The following DHX35 variants were observed in gnomAD, a reference collection of about 807,000 sequenced individuals.
DHX35 encodes the protein DEAH-box helicase 35, also known as probable ATP-dependent RNA helicase DHX35.
DHX35 carries 84 observed loss-of-function variants against 99.6 expected under a neutral mutation model. The ratio of observed to expected loss-of-function variants is 0.84; its 90% confidence interval spans 0.71 to 1.01. DHX35 has a LOEUF of 1.01. Ranked by LOEUF, DHX35 falls within the 50% of genes least tolerant of loss-of-function variation. The pLI is 0.00. For synonymous variants in DHX35, 331 were observed against 316.2 expected, an observed-to-expected ratio of 1.05 and a Z score of -0.50; for missense variants, 852 against 888.5, an observed-to-expected ratio of 0.96 and a Z score of 0.52.
intron 8 of DHX35, among the ~76,000 whole-genome samples, chr20:38,997,926 TG>T (rs2086456933): frequency 6.6e-6 from 1 of 152,074 alleles, no homozygotes; most frequent in African/African-American, 2.4e-5. Flanking sequence ...GGTCTGTGGG[TG>T]ACAGACTAAT....
At chr20:38,986,612 A>G (rs558811249) in intron 4 of DHX35, among the ~76,000 whole-genome samples, 5 of 152,256 alleles carry the variant, frequency 3.3e-5, no homozygotes, top group East Asian at 1.9e-4. Flanking sequence ...TAGTATCTCT[A>G]TGCACACATT....
At chr20:38,998,888 G>A (rs758599273) in intron 8 of DHX35, among the ~76,000 whole-genome samples, 18 of 151,930 alleles carry the variant, frequency 1.2e-4, no homozygotes, top group Non-Finnish European at 1.5e-4. Flanking sequence ...CCTCCGCCTC[G>A]CAGGTTCAAA....
intron 21 of DHX35, among the ~76,000 whole-genome samples, chr20:39,036,096 G>GA (rs1223717631): frequency 2.0e-5 from 3 of 152,190 alleles, no homozygotes; most frequent in African/African-American, 7.2e-5. Flanking sequence ...ACTAGAGGTT[G>GA]AAAGAGGAAT....
In DHX35 at chr20:38,964,716, A is replaced by C. The variant is rs538279240; in HGVS notation, c.40+2309A>C. 4.6e-5 allele frequency among the ~76,000 whole-genome samples: 7 copies of C among 152,358 alleles called. No individual in the cohort carries two copies. The South Asian group carries it at 1.2e-3, about 27-fold the overall frequency. On this transcript the variant is annotated intron_variant, in intron 1 of 21. Coordinates refer to ENST00000252011, the MANE Select transcript of DHX35 (RefSeq NM_021931.4). ...AGTGTTGGGATTACAGGCGTGAGCC[A>C]CTGGGCCTGGCCTGACTTCAGTGTT...
At chr20:38,993,444 C>T (rs1374108845) in intron 7 of DHX35, among the ~76,000 whole-genome samples, 1 of 152,202 alleles carries the variant, frequency 6.6e-6, no homozygotes, top group Non-Finnish European at 1.5e-5. Flanking sequence ...ACCGCAACCT[C>T]TGCCTCCCAG....
chr20:39,006,138 G>C lies in DHX35; in HGVS notation c.1012-8G>C. On this transcript the variant is annotated splice_polypyrimidine_tract_variant and splice_region_variant and intron_variant, in intron 11 of 21. Transcript: ENST00000252011. Reference sequence around the variant, plus strand: ...TGAGTTTTATTCTTCTTTCTGTGGGGAACGTAGGTGATAGTGGCCACCAAT... The same window carrying C: ...TGAGTTTTATTCTTCTTTCTGTGGGCAACGTAGGTGATAGTGGCCACCAAT... 1.2e-6 allele frequency: 2 copies of C among 1,610,112 alleles called. No homozygotes were observed. The highest frequency in any genetic ancestry group is 1.7e-6 in the Non-Finnish European group (2 of 1,176,630).
At chr20:38,974,643 G>C (rs536967654) in intron 3 of DHX35, among the ~76,000 whole-genome samples, 15 of 152,292 alleles carry the variant, frequency 9.8e-5, no homozygotes, top group Admixed American at 8.5e-4. Flanking sequence ...GAGGTCAGAC[G>C]TAGAAGGTGT....
At chr20:38,983,838 C>T (rs1178518098) in intron 4 of DHX35, 62 bp downstream of exon 4, 58 of 1,453,490 alleles carry the variant, frequency 4.0e-5, no homozygotes, top group Non-Finnish European at 5.4e-5. Context: ...GATTTGTTTA[C>T]ATTTCCTAAA....
chr20:39,004,030 G>T, intron 11 of DHX35, 123 bp downstream of exon 11: 2 of 1,089,290 alleles, frequency 1.8e-6, no homozygotes, highest in East Asian at 2.4e-5. Flanking sequence ...CTGTGTAGTA[G>T]ATCTAAAAGC....
At chr20:38,970,422 A>G (rs2085977184) in intron 2 of DHX35, among the ~76,000 whole-genome samples, 1 of 152,228 alleles carries the variant, frequency 6.6e-6, no homozygotes, top group South Asian at 2.1e-4. Flanking sequence ...CAAGTGACTA[A>G]CACATTCACT....
chr20:39,002,121 T>C (rs1170302882), intron 9 of DHX35, among the ~76,000 whole-genome samples: 1 of 152,174 alleles, frequency 6.6e-6, no homozygotes, highest in Non-Finnish European at 1.5e-5. Flanking sequence ...GCTTGATAGT[T>C]TTCAGAACTG....
At chr20:38,970,360 G>C (rs2085976099) in intron 2 of DHX35, among the ~76,000 whole-genome samples, 1 of 152,144 alleles carries the variant, frequency 6.6e-6, no homozygotes, top group East Asian at 1.9e-4. Flanking sequence ...AGTTTTATGT[G>C]GCTCCCAATA....
At chr20:38,993,030 C>A (rs2086365246) in intron 7 of DHX35, among the ~76,000 whole-genome samples, 1 of 152,182 alleles carries the variant, frequency 6.6e-6, no homozygotes, top group African/African-American at 2.4e-5. Flanking sequence ...AATCTTGTTT[C>A]AATCTTAACC....
chr20:39,001,959 C>T (rs549277723), intron 9 of DHX35, 117 bp downstream of exon 9: 2 of 849,490 alleles, frequency 2.4e-6, no homozygotes, highest in South Asian at 1.5e-5. Context: ...TGTTTTGTGT[C>T]CCTAGTCATT....
At chr20:39,023,437 T>G (rs1273505856) in intron 16 of DHX35, among the ~76,000 whole-genome samples, 1 of 152,150 alleles carries the variant, frequency 6.6e-6, no homozygotes, top group Non-Finnish European at 1.5e-5. Flanking sequence ...GGTGCAAACA[T>G]GGCTCCTGGG....
intron 12 of DHX35, 138 bp from the exon 13 acceptor site, chr20:39,010,138 TTATA>T (rs1280837371): frequency 9.4e-7 from 1 of 1,064,416 alleles, no homozygotes; most frequent in African/African-American, 1.6e-5. Context: ...AAAAATAACT[TTATA>T]TCATGGTATC....
intron 8 of DHX35, among the ~76,000 whole-genome samples, chr20:38,997,320 C>G (rs887231744): frequency 6.6e-6 from 1 of 152,264 alleles, no homozygotes; most frequent in East Asian, 1.9e-4. Context: ...ATCCTCCCGC[C>G]TTGGACTCCC....
rs532021618 is a variant in DHX35 at position 38,962,453 on chromosome 20, C to A, written c.40+46C>A. On this transcript the variant is annotated intron_variant, in intron 1 of 21. Coordinates refer to ENST00000252011, the MANE Select transcript of DHX35 (RefSeq NM_021931.4). ...CTGGGCAGATGCGGCGGCCTGACTT[C>A]GGTCTTGGCGCCGCGGCCGGCGCCC... 173 of 1,599,182 alleles carry A rather than the reference C, an allele frequency of 1.1e-4. No homozygotes were observed. In the South Asian group the frequency reaches 1.8e-3, roughly 16 times the overall value.
chr20:39,016,550 C>T (rs1380678218), intron 14 of DHX35, among the ~76,000 whole-genome samples: 4 of 152,226 alleles, frequency 2.6e-5, no homozygotes, highest in Middle Eastern at 3.4e-3. Context: ...AGTTGATAGA[C>T]ATTTGGGTTG....
Sources: gnomAD v4.1 joint callset for allele counts (sites outside exome capture counted in the v4.1 genomes callset) on GRCh38, gnomAD v4.1.1 for gene constraint, MANE v1.5 for transcripts, NCBI Gene and HGNC (gene_info 2026-07-23, HGNC 2026-07-21) for gene names.